Variants in NEGR1 observed in about 807,000 individuals in gnomAD.
The protein encoded by NEGR1 is neuronal growth regulator 1.
Under a neutral mutation model 40.9 loss-of-function variants are expected in NEGR1, and 10 were observed. That is an observed-to-expected ratio of 0.24 (90% CI 0.15 to 0.42). The LOEUF is 0.42. NEGR1 is among the 10% of genes least tolerant of loss of function. NEGR1 has a pLI of 1.00. For missense variants in NEGR1, 352 were observed against 438.9 expected, an observed-to-expected ratio of 0.80 and a Z score of 1.77; for synonymous variants, 185 against 166.8, an observed-to-expected ratio of 1.11 and a Z score of -0.84.
chr1:72,143,165 A>G (rs948265628), intron 1 of NEGR1, among the ~76,000 whole-genome samples: 5 of 152,002 alleles, frequency 3.3e-5, no homozygotes, highest in African/African-American at 1.2e-4. Flanking sequence ...AAAAATTATT[A>G]TTTCTGTCTC....
chr1:71,677,162 G>A (rs1386062104), intron 4 of NEGR1, among the ~76,000 whole-genome samples: 1 of 152,028 alleles, frequency 6.6e-6, no homozygotes, highest in Non-Finnish European at 1.5e-5. Flanking sequence ...CTATAATGAT[G>A]GTCATTATTC....
intron 1 of NEGR1, among the ~76,000 whole-genome samples, chr1:71,968,837 G>A (rs1646232700): frequency 6.6e-6 from 1 of 152,068 alleles, no homozygotes; most frequent in Non-Finnish European, 1.5e-5. Flanking sequence ...TTGGTTTTAG[G>A]CAGTAATGCT....
At chr1:71,606,021 T>A (rs754988712) in intron 5 of NEGR1, among the ~76,000 whole-genome samples, 5 of 152,214 alleles carry the variant, frequency 3.3e-5, no homozygotes, top group Admixed American at 2.6e-4. Flanking sequence ...TTGATATTCA[T>A]GTCCCTGTGC....
At chr1:71,704,477 G>A (rs900284121) in intron 3 of NEGR1, among the ~76,000 whole-genome samples, 1 of 151,608 alleles carries the variant, frequency 6.6e-6, no homozygotes, top group Admixed American at 6.6e-5. Context: ...ACACCTCCAA[G>A]AAAAATTAAG....
chr1:71,796,762 A>G (rs1277958963), intron 2 of NEGR1, among the ~76,000 whole-genome samples: 2 of 152,180 alleles, frequency 1.3e-5, no homozygotes, highest in African/African-American at 4.8e-5. Context: ...AGCCAGGGGT[A>G]TAGATGTACA....
chr1:71,994,996 G>GAAAAAA (rs34098239), intron 1 of NEGR1, among the ~76,000 whole-genome samples: 2 of 111,576 alleles, frequency 1.8e-5, no homozygotes, highest in Non-Finnish European at 1.8e-5. Flanking sequence ...AAATTTACAG[G>GAAAAAA]AAAAAAAAAA....
At chr1:71,906,262 C>T in intron 2 of NEGR1, among the ~76,000 whole-genome samples, 1 of 151,880 alleles carries the variant, frequency 6.6e-6, no homozygotes, top group Non-Finnish European at 1.5e-5. Context: ...GAGTGAGGGA[C>T]AAAAGATTGC....
chr1:72,012,888 T>G (rs564753902), intron 1 of NEGR1, among the ~76,000 whole-genome samples: 130 of 139,198 alleles, frequency 9.3e-4, no homozygotes, highest in Non-Finnish European at 1.2e-3. Flanking sequence ...TTTTTTTTTT[T>G]GTAGAGCAAG....
chr1:71,800,963 T>C (rs1415913266), intron 2 of NEGR1, among the ~76,000 whole-genome samples: 2 of 152,182 alleles, frequency 1.3e-5, no homozygotes, highest in Non-Finnish European at 2.9e-5. Flanking sequence ...CATCATATAA[T>C]TTTCTCTTGA....
intron 1 of NEGR1, among the ~76,000 whole-genome samples, chr1:72,022,067 G>C (rs979275349): frequency 6.6e-6 from 1 of 151,766 alleles, no homozygotes; most frequent in Admixed American, 6.6e-5. Context: ...CCCGGGAGGC[G>C]GAGCTTGCAG....
intron 1 of NEGR1, among the ~76,000 whole-genome samples, chr1:72,109,675 C>G (rs1056730773): frequency 2.6e-5 from 4 of 151,612 alleles, no homozygotes; most frequent in African/African-American, 9.7e-5. Context: ...TTAATTCCTT[C>G]TTAAGATCAA....
chr1:71,401,821 C>G lies in NEGR1; in HGVS notation c.*5625G>C, dbSNP rs1646248247. 6.6e-6 allele frequency: 1 copy of G among 152,110 alleles called. No individual in the cohort carries two copies. The highest frequency in any genetic ancestry group is 2.1e-4 in the South Asian group (1 of 4,836). 9.4% of individuals were successfully genotyped at this position (152,110 alleles called of 1,614,324 possible). A position where few individuals can be genotyped will look rare whatever the true frequency, so the allele number is the denominator to read the frequency against. On this transcript the variant is annotated 3_prime_UTR_variant, in exon 7 of 7. Transcript: ENST00000357731. ...ATACATGCGATTATGACAAGATTCT[C>G]CACTTGGTGTGACCAGTCTCATACA... is the stretch of plus-strand genomic sequence containing the variant.
chr1:71,867,328 T>C (rs1203161292), intron 2 of NEGR1, among the ~76,000 whole-genome samples: 1 of 152,178 alleles, frequency 6.6e-6, no homozygotes, highest in Non-Finnish European at 1.5e-5. Flanking sequence ...GAGTCGACAT[T>C]ATGCCACTGA....
chr1:72,197,716 C>A (rs1653050237), intron 1 of NEGR1, among the ~76,000 whole-genome samples: 1 of 151,940 alleles, frequency 6.6e-6, no homozygotes, highest in African/African-American at 2.4e-5. Flanking sequence ...CCAGCGAAAG[C>A]ATTTAGATTC....
chr1:72,042,522 A>G (rs1646965221), intron 1 of NEGR1, among the ~76,000 whole-genome samples: 1 of 152,100 alleles, frequency 6.6e-6, no homozygotes, highest in African/African-American at 2.4e-5. Context: ...GAGAGCACCA[A>G]TGTCAGATCA....
At chr1:72,110,398 G>A (rs1460781910) in intron 1 of NEGR1, among the ~76,000 whole-genome samples, 1 of 151,384 alleles carries the variant, frequency 6.6e-6, no homozygotes, top group Non-Finnish European at 1.5e-5. Flanking sequence ...AACTTGATAG[G>A]TTTAAGTAAA....
At chr1:72,179,109 T>C (rs952743442) in intron 1 of NEGR1, among the ~76,000 whole-genome samples, 1 of 152,034 alleles carries the variant, frequency 6.6e-6, no homozygotes, top group Non-Finnish European at 1.5e-5. Flanking sequence ...ATTTCCTAGA[T>C]TTTCTTCTAA....
chr1:72,041,150 T>C (rs1359619098), intron 1 of NEGR1, among the ~76,000 whole-genome samples: 1 of 152,036 alleles, frequency 6.6e-6, no homozygotes, highest in African/African-American at 2.4e-5. Flanking sequence ...GCTATATGTA[T>C]GCCAATTTAG....
chr1:71,894,913 C>T (rs2101855173), intron 2 of NEGR1, among the ~76,000 whole-genome samples: 1 of 151,912 alleles, frequency 6.6e-6, no homozygotes, highest in East Asian at 1.9e-4. Context: ...AGTGAGACTC[C>T]ATCTCCAAAT....
Sources: allele counts gnomAD v4.1 joint callset (sites outside exome capture counted in the v4.1 genomes callset), GRCh38; gene constraint gnomAD v4.1.1; transcripts MANE v1.5; gene names NCBI Gene and HGNC (gene_info 2026-07-23, HGNC 2026-07-21).